The following PEX5L variants were observed in gnomAD, a reference collection of about 807,000 sequenced individuals.
The protein encoded by PEX5L is PEX5-related protein.
Under a neutral mutation model 84.0 loss-of-function variants are expected in PEX5L, and 30 were observed. The ratio of observed to expected loss-of-function variants is 0.36; its 90% CI spans 0.27 to 0.48. The LOEUF (loss-of-function observed/expected upper bound fraction) is 0.48. PEX5L is among the 20% of genes least tolerant of loss of function. The probability of loss-of-function intolerance (pLI) is 0.99; values close to 1 mark genes in which losing one functional copy is unlikely to be tolerated. For synonymous variants in PEX5L, 270 were observed against 283.1 expected (o/e 0.95, Z 0.46); for missense variants, 533 against 754.6 (o/e 0.71, Z 3.44).
chr3:179,952,024 C>T (rs1434661019), intron 2 of PEX5L, among the ~76,000 whole-genome samples: 1 of 152,084 alleles, frequency 6.6e-6, no homozygotes, highest in South Asian at 2.1e-4. Context: ...GCAATTGTTA[C>T]AATAGTGACT....
intron 2 of PEX5L, among the ~76,000 whole-genome samples, chr3:179,951,125 C>T (rs1461050145): frequency 2.6e-5 from 4 of 152,150 alleles, no homozygotes; most frequent in Admixed American, 6.5e-5. Flanking sequence ...CCTCCCACCT[C>T]AATGAAATAA....
intron 14 of PEX5L, among the ~76,000 whole-genome samples, chr3:179,807,099 G>A (rs981454852): frequency 5.3e-5 from 8 of 152,168 alleles, no homozygotes; most frequent in East Asian, 1.9e-4. Context: ...AAGAGAGGAC[G>A]CAGACCTTAA....
At position 179,795,076 on chromosome 3, in the gene PEX5L, A is replaced by G. The variant is rs1054436210; in HGVS notation, c.*6752T>C. The G allele has an allele frequency of 6.6e-6, 1 of 152,186 alleles. No homozygotes were observed. The highest frequency in any genetic ancestry group is 6.5e-5 in the Admixed American group (1 of 15,280). 9.4% of individuals were successfully genotyped at this position (152,186 alleles called of 1,614,324 possible). A position where few individuals can be genotyped will look rare whatever the true frequency, so the allele number is the denominator to read the frequency against. The stretch of plus-strand genomic sequence containing the variant: ...TTTTTAAAGTTTTGTTTTATATCCA[A>G]AAATGCATTCCTGATTTCCAGATAG... On this transcript the variant is annotated 3_prime_UTR_variant, in exon 15 of 15. Transcript: ENST00000467460.
intron 1 of PEX5L, among the ~76,000 whole-genome samples, chr3:179,972,793 A>C (rs1785088949): frequency 1.3e-5 from 2 of 151,970 alleles, no homozygotes; most frequent in Non-Finnish European, 2.9e-5. Flanking sequence ...TTTCCCGCAA[A>C]AACATATCTC....
chr3:179,844,759 G>A (rs1243496196), intron 8 of PEX5L, among the ~76,000 whole-genome samples: 1 of 152,170 alleles, frequency 6.6e-6, no homozygotes, highest in Non-Finnish European at 1.5e-5. Context: ...GAACCCGGGA[G>A]GCAGAGCTTG....
At chr3:179,912,984 A>C in intron 2 of PEX5L, among the ~76,000 whole-genome samples, 1 of 152,106 alleles carries the variant, frequency 6.6e-6, no homozygotes, top group East Asian at 1.9e-4. Flanking sequence ...CAAAGAAAAA[A>C]TTAGGTTTAG....
chr3:179,966,003 C>G (rs769823193), intron 2 of PEX5L, among the ~76,000 whole-genome samples: 1 of 152,148 alleles, frequency 6.6e-6, no homozygotes, highest in Non-Finnish European at 1.5e-5. Context: ...TGGACTGCAA[C>G]AGTGAATCTT....
At chr3:179,879,497 G>A (rs900150769) in intron 5 of PEX5L, among the ~76,000 whole-genome samples, 4 of 152,276 alleles carry the variant, frequency 2.6e-5, no homozygotes, top group African/African-American at 4.8e-5. Flanking sequence ...AATGGTAGCT[G>A]TTATTATTGT....
At chr3:179,811,991 C>T (rs1157879983) in intron 10 of PEX5L, 120 bp from the exon 11 acceptor site, 6 of 767,034 alleles carry the variant, frequency 7.8e-6, no homozygotes, top group Non-Finnish European at 1.4e-5. Context: ...TATGTGAGCG[C>T]TATATAAAAG....
chr3:179,880,893 G>C (rs541661171), intron 4 of PEX5L: 3 of 152,306 alleles, frequency 2.0e-5, no homozygotes, highest in South Asian at 2.1e-4. Flanking sequence ...TACAGTGCAC[G>C]TAACCAGTGT....
intron 8 of PEX5L, among the ~76,000 whole-genome samples, chr3:179,847,077 G>A (rs1014482952): frequency 4.7e-5 from 6 of 126,402 alleles, no homozygotes; most frequent in African/African-American, 1.8e-4. Context: ...GTGTGTGTGT[G>A]TGTGTATATA....
At chr3:180,021,509 T>C (rs1357065364) in intron 1 of PEX5L, among the ~76,000 whole-genome samples, 3 of 152,156 alleles carry the variant, frequency 2.0e-5, no homozygotes. Context: ...CTAAAGATGA[T>C]TGCACTTAGA....
At chr3:179,962,736 T>C (rs1418333916) in intron 2 of PEX5L, among the ~76,000 whole-genome samples, 1 of 152,192 alleles carries the variant, frequency 6.6e-6, no homozygotes, top group Admixed American at 6.5e-5. Flanking sequence ...AAAGGCTGAA[T>C]AGGTTTCTTT....
At chr3:179,936,974 T>C (rs1774752897) in intron 2 of PEX5L, among the ~76,000 whole-genome samples, 1 of 148,882 alleles carries the variant, frequency 6.7e-6, no homozygotes, top group South Asian at 2.2e-4. Flanking sequence ...AAACTATTAC[T>C]AAACTGAGTG....
intron 2 of PEX5L, among the ~76,000 whole-genome samples, chr3:179,935,952 T>C (rs1774456051): frequency 6.6e-6 from 1 of 152,220 alleles, no homozygotes; most frequent in African/African-American, 2.4e-5. Context: ...GCCAGCTGCA[T>C]GAGGCCCCCA....
chr3:180,024,678 ATG>A (rs200716895), intron 1 of PEX5L, among the ~76,000 whole-genome samples: 2 of 151,798 alleles, frequency 1.3e-5, no homozygotes, highest in Admixed American at 6.6e-5. Context: ...GAAAAGCTGC[ATG>A]TGTGTGTGTG....
chr3:180,036,023 T>G (rs887654732), intron 1 of PEX5L, among the ~76,000 whole-genome samples: 16 of 152,192 alleles, frequency 1.1e-4, no homozygotes, highest in Non-Finnish European at 4.4e-5. Flanking sequence ...CTTGGACATG[T>G]GTTTGAAATT....
intron 2 of PEX5L, among the ~76,000 whole-genome samples, chr3:179,907,829 C>G (rs1455678690): frequency 5.3e-5 from 8 of 152,162 alleles, no homozygotes; most frequent in Non-Finnish European, 1.0e-4. Flanking sequence ...GAATTGTAGA[C>G]TCAAGTTGAA....
At chr3:179,945,807 C>T (rs895232846) in intron 2 of PEX5L, among the ~76,000 whole-genome samples, 2 of 152,158 alleles carry the variant, frequency 1.3e-5, no homozygotes, top group Admixed American at 6.6e-5. Flanking sequence ...GAAACATATC[C>T]GATCAAAATT....
Sources: gnomAD v4.1 joint callset for allele counts (sites outside exome capture counted in the v4.1 genomes callset) on GRCh38, gnomAD v4.1.1 for gene constraint, MANE v1.5 for transcripts, NCBI Gene and HGNC (gene_info 2026-07-23, HGNC 2026-07-21) for gene names.